Variants in CD151 observed in about 807,000 individuals in gnomAD.
CD151 encodes CD151 antigen.
In CD151, 20 loss-of-function variants were observed where a neutral mutation model predicts 34.2. The ratio of observed to expected loss-of-function variants is 0.58; its 90% CI spans 0.41 to 0.85. The LOEUF is 0.85. Among genes scored for constraint, CD151 ranks in the 40% least tolerant of loss-of-function variants. The pLI is 0.00. For missense variants in CD151, 306 were observed against 324.5 expected (o/e 0.94, Z 0.44); for synonymous variants, 157 against 131.7 (o/e 1.19, Z -1.32).
At chr11:833,862 C>T (rs1846653302) in intron 1 of CD151, 1 of 147,960 alleles carries the variant, frequency 6.8e-6, no homozygotes, top group Admixed American at 6.8e-5. Context: ...GTGGCAGGGT[C>T]TGCCTGTGCC....
At position 837,668 on chromosome 11, in the gene CD151, G is replaced by C. The variant is rs367833559; in HGVS notation, c.615+50G>C. On this transcript the variant is annotated intron_variant, in intron 7 of 8. Coordinates refer to ENST00000397420, the MANE Select transcript of CD151 (RefSeq NM_004357.5). ...TCCAGTGTCTACGAGGTGGTGGGGG[G>C]GCACCCCAGTGACTGGCTGTGGGCA... 2.5e-6 allele frequency: 4 copies of C among 1,570,104 alleles called. No individual in the cohort carries two copies. The Admixed American group carries it at 6.7e-5, about 26-fold the overall frequency.
At position 837,983 on chromosome 11, in the gene CD151, C is replaced by T. The variant is rs771826222; in HGVS notation, c.657C>T (p.His219=). Residue 219 remains histidine (H), a synonymous_variant, in exon 8 of 9, where the codon CAC becomes CAT. Coordinates refer to ENST00000397420, the MANE Select transcript of CD151 (RefSeq NM_004357.5). The part of the protein sequence containing the change: ...ITKLETFIQE[H]LRVIGAVGIG... ...AGTTGGAGACCTTCATCCAGGAGCA[C>T]CTGAGGGTCATTGGGGCTGTGGGGA... The T allele has an allele frequency of 1.2e-6, 2 of 1,613,268 alleles. No individual in the cohort carries two copies. Among genetic ancestry groups the T allele is most frequent in the African/African-American group, 1.3e-5 (1 of 74,934 alleles).
rs1172115827 is a variant in CD151 at position 837,601 on chromosome 11, A to G, written c.598A>G (p.Asn200Asp). ...TTGTGGGCAGCGAGACCATGCCTCC[A>G]ACATCTACAAGGTGGAGGTGGGTGT... ...ALCGQRDHAS[N>D]IYKVEGGCIT... The change falls in exon 7 of 9, where the codon AAC (asparagine) becomes GAC (aspartate). Residue 200 changes from asparagine to aspartate, a missense_variant. By Grantham distance (23) the Asn-to-Asp change is conservative (BLOSUM62 1). Transcript: ENST00000397420. 6.2e-7 allele frequency: 1 copy of G among 1,612,344 alleles called. No individual in the cohort carries two copies. Among genetic ancestry groups the G allele is most frequent in the Non-Finnish European group, 8.5e-7 (1 of 1,179,706 alleles).
chr11:838,452 T>C lies in CD151; in HGVS notation c.*260T>C, dbSNP rs955539351. ...TCTCTGCCTGGTGGTCAGATGCAGGTTGGAAGGGGCCTTGCTGAGTGGCGC... is the reference window on the plus strand; with the variant it reads ...TCTCTGCCTGGTGGTCAGATGCAGGCTGGAAGGGGCCTTGCTGAGTGGCGC... On this transcript the variant is annotated 3_prime_UTR_variant, in exon 9 of 9. Coordinates refer to ENST00000397420, the MANE Select transcript of CD151 (RefSeq NM_004357.5). 6.8e-6 allele frequency: 4 copies of C among 585,506 alleles called. No individual in the cohort carries two copies. Among genetic ancestry groups the C allele is most frequent in the South Asian group, 4.0e-5 (2 of 49,768 alleles). The allele number at this position is 585,506 out of a possible 1,614,324, so 36.3% of individuals were successfully genotyped here.
At chr11:836,607 C>A in intron 4 of CD151, 162 bp from the exon 5 acceptor site, 1 of 845,128 alleles carries the variant, frequency 1.2e-6, no homozygotes, top group Non-Finnish European at 1.9e-6. Context: ...GCTGGACCAG[C>A]TGAGGGAAGA....
chr11:833,820 C>CCCCTCGGTG (rs1846645654), intron 1 of CD151, among the ~76,000 whole-genome samples: 3 of 24,922 alleles, frequency 1.2e-4, no homozygotes, highest in African/African-American at 1.1e-4. Flanking sequence ...ACGCACACCC[C>CCCCTCGGTG]GCCCCCCGGT....
intron 5 of CD151, 166 bp downstream of exon 5, chr11:837,009 A>T: frequency 2.9e-6 from 2 of 682,752 alleles, no homozygotes; most frequent in Non-Finnish European, 5.2e-6. Flanking sequence ...GCAGGGGCAC[A>T]TGGGGTCAGG....
In CD151 at chr11:836,454, G is replaced by A. The variant is rs781279920; in HGVS notation, c.276+12G>A. On this transcript the variant is annotated intron_variant, in intron 4 of 8. Coordinates refer to ENST00000397420, the MANE Select transcript of CD151 (RefSeq NM_004357.5). ...ACCTGCTGCGCCTGGTCAGGAGGGC[G>A]CAGGGCCACGGGGTGGGGGTGGTGC... 93 of 1,589,218 alleles carry A rather than the reference G, an allele frequency of 5.9e-5. No individual in the cohort carries two copies. The highest frequency in any genetic ancestry group is 7.4e-5 in the Non-Finnish European group (87 of 1,168,446).
Position 837,274 on chromosome 11 carries a change from C to G in CD151, c.376C>G (p.Leu126Val). ...GCTGAACACGGAGCTCAAGGAGAACCTGAAGGACACCATGACCAAGCGCTA... is the reference window on the plus strand; with the variant it reads ...GCTGAACACGGAGCTCAAGGAGAACGTGAAGGACACCATGACCAAGCGCTA... ...QQLNTELKENLKDTMTKRYHQ... is the reference protein window; with the variant it reads ...QQLNTELKENVKDTMTKRYHQ... The change falls in exon 6 of 9, where the codon CTG becomes GTG. Residue 126 changes from leucine to valine, a missense_variant. By Grantham distance (32) the Leu-to-Val change is conservative. Coordinates refer to ENST00000397420, the MANE Select transcript of CD151 (RefSeq NM_004357.5). The G allele has an allele frequency of 1.2e-6, 2 of 1,613,074 alleles. No homozygotes were observed. Among genetic ancestry groups the G allele is most frequent in the Non-Finnish European group, 1.7e-6 (2 of 1,179,902 alleles).
chr11:835,815 G>A, intron 2 of CD151: 2 of 432,970 alleles, frequency 4.6e-6, no homozygotes, highest in South Asian at 2.4e-5. Flanking sequence ...AGCCTCCCAA[G>A]TAGCTGGGAC....
chr11:837,586 C>G lies in CD151; in HGVS notation c.583C>G (p.Arg195Gly), dbSNP rs750823987. 6.2e-7 allele frequency: 1 copy of G among 1,612,652 alleles called. No homozygotes were observed. The highest frequency in any genetic ancestry group is 8.5e-7 in the Non-Finnish European group (1 of 1,179,816). The stretch of plus-strand genomic sequence containing the variant: ...GACGGTGGTGGCTCTTTGTGGGCAG[C>G]GAGACCATGCCTCCAACATCTACAA... ...CKTVVALCGQ[R>G]DHASNIYKVE... is the part of the protein sequence containing the mutation. The change falls in exon 7 of 9, where the codon CGA becomes GGA. Residue 195 changes from arginine (R) to glycine (G), a missense_variant. Coordinates refer to ENST00000397420, the MANE Select transcript of CD151 (RefSeq NM_004357.5).
rs986795782 is a variant in CD151, at chr11:838,468, T to C, written c.*276T>C. On this transcript the variant is annotated 3_prime_UTR_variant, in exon 9 of 9. Coordinates refer to ENST00000397420, the MANE Select transcript of CD151 (RefSeq NM_004357.5). ...AGATGCAGGTTGGAAGGGGCCTTGC[T>C]GAGTGGCGCAAGGCCGAGCGTTCCC... 1.7e-6 allele frequency: 1 copy of C among 574,816 alleles called. No homozygotes were observed. The highest frequency in any genetic ancestry group is 2.0e-5 in the South Asian group (1 of 49,212). The allele number at this position is 574,816 out of a possible 1,614,324, so 35.6% of individuals were successfully genotyped here. A position where few individuals can be genotyped will look rare whatever the true frequency, so the allele number is the denominator to read the frequency against.
chr11:836,569 G>C, intron 4 of CD151, 127 bp downstream of exon 4: 1 of 845,112 alleles, frequency 1.2e-6, no homozygotes. Context: ...TTCCACACCT[G>C]CCTAGTCCTG....
Position 833,012 on chromosome 11 carries a change from T to C in CD151, c.-84T>C, listed in dbSNP as rs1333397006. 9.7e-6 allele frequency: 1 copy of C among 103,586 alleles called. No individual in the cohort carries two copies. Among genetic ancestry groups the C allele is most frequent in the Non-Finnish European group, 2.2e-5 (1 of 46,428 alleles). The allele number at this position is 103,586 out of a possible 1,614,324, so 6.4% of individuals were successfully genotyped here. On this transcript the variant is annotated 5_prime_UTR_variant, in exon 1 of 9. Transcript: ENST00000397420. Reference sequence around the variant, plus strand: ...CTGCCGCCGCCGCCAGGGCCCGGACTCGGACGCGTGGTAGGTGAGTGCGCG... The same window carrying C: ...CTGCCGCCGCCGCCAGGGCCCGGACCCGGACGCGTGGTAGGTGAGTGCGCG...
intron 1 of CD151, among the ~76,000 whole-genome samples, chr11:833,589 T>G (rs7947690): frequency 0.65 from 99,600 of 152,116 alleles, 33,543 homozygotes; most frequent in East Asian, 0.9. Flanking sequence ...CCCGGGGACT[T>G]GGGGAGGAAC....
chr11:833,135 C>A (rs1279773086), intron 1 of CD151, 109 bp downstream of exon 1: 14 of 151,374 alleles, frequency 9.2e-5, no homozygotes. Flanking sequence ...CTGCGCGCCC[C>A]AGCCCCGGAG....
intron 2 of CD151, 90 bp from the exon 3 acceptor site, chr11:835,973 C>T: frequency 1.3e-6 from 1 of 767,306 alleles, no homozygotes. Flanking sequence ...AGGCGTGAGC[C>T]ACCGCGCCTG....
intron 5 of CD151, 116 bp downstream of exon 5, chr11:836,959 C>A: frequency 1.1e-6 from 1 of 912,548 alleles, no homozygotes; most frequent in Non-Finnish European, 1.8e-6. Context: ...CAGAGCTAAC[C>A]AATGTGCCAC....
At chr11:838,101 G>A (rs201420443) in intron 8 of CD151, 32 bp from the exon 9 acceptor site, 169 of 1,610,676 alleles carry the variant, frequency 1.0e-4, no homozygotes, top group East Asian at 2.0e-4. Flanking sequence ...GCCCCATGAC[G>A]TCTGCTTACG....
Sources: allele counts gnomAD v4.1 joint callset (sites outside exome capture counted in the v4.1 genomes callset), GRCh38; gene constraint gnomAD v4.1.1; transcripts MANE v1.5; gene names NCBI Gene and HGNC (gene_info 2026-07-23, HGNC 2026-07-21).